Variants in PTPRK observed in about 807,000 individuals in gnomAD.
PTPRK encodes the protein receptor-type tyrosine-protein phosphatase kappa.
A neutral mutation model predicts 178.0 loss-of-function variants in PTPRK; 75 were observed. The ratio of observed to expected loss-of-function variants is 0.42; its 90% CI spans 0.35 to 0.51. The LOEUF (loss-of-function observed/expected upper bound fraction) is 0.51, where lower values mean the gene tolerates loss of function less well. Among genes scored for constraint, PTPRK ranks in the 20% least tolerant of loss-of-function variants. The probability of loss-of-function intolerance (pLI) is 0.02; values close to 1 mark genes in which losing one functional copy is unlikely to be tolerated. For synonymous variants in PTPRK, 637 were observed against 620.6 expected (o/e 1.03, Z -0.39); for missense variants, 1,441 against 1,797.8 (o/e 0.80, Z 3.59).
intron 29 of PTPRK, among the ~76,000 whole-genome samples, chr6:127,972,426 G>A (rs1774035718): frequency 6.6e-6 from 1 of 152,014 alleles, no homozygotes; most frequent in African/African-American, 2.4e-5. Context: ...GCTTCACCTA[G>A]ATGAACTGTC....
chr6:128,009,594 A>T (rs1247930189), intron 13 of PTPRK, among the ~76,000 whole-genome samples: 1 of 151,248 alleles, frequency 6.6e-6, no homozygotes, highest in Non-Finnish European at 1.5e-5. Flanking sequence ...CATTGGAAAG[A>T]GATGGGGTCA....
chr6:128,488,103 C>G (rs1853228287), intron 1 of PTPRK, among the ~76,000 whole-genome samples: 2 of 152,304 alleles, frequency 1.3e-5, no homozygotes, highest in African/African-American at 2.4e-5. Flanking sequence ...GACAGTGCAG[C>G]CTTCAGTCTG....
rs189495516 is a variant in PTPRK, at chr6:128,396,510, G to A, written c.223+1056C>T. On this transcript the variant is annotated intron_variant, in intron 2 of 29. Transcript: ENST00000368226. ...GCTAAGCATATACGCACAGAACTTG[G>A]AATTTGCTCCAGATTAATATGCAGA... is the stretch of plus-strand genomic sequence containing the variant. 5.9e-5 allele frequency among the ~76,000 whole-genome samples: 9 copies of A among 151,928 alleles called. No individual in the cohort carries two copies. The East Asian group carries it at 1.7e-3, about 29-fold the overall frequency.
chr6:128,273,146 T>C (rs1196666116), intron 3 of PTPRK, among the ~76,000 whole-genome samples: 1 of 151,944 alleles, frequency 6.6e-6, no homozygotes, highest in African/African-American at 2.4e-5. Flanking sequence ...TAGGTAGGAA[T>C]TGAACAATGA....
intron 2 of PTPRK, among the ~76,000 whole-genome samples, chr6:128,331,894 C>A (rs1432231414): frequency 6.6e-6 from 1 of 152,094 alleles, no homozygotes; most frequent in Admixed American, 6.6e-5. Context: ...GACAAAATTT[C>A]TCTTGATCTC....
intron 3 of PTPRK, among the ~76,000 whole-genome samples, chr6:128,306,921 G>A (rs568303859): frequency 5.9e-5 from 9 of 152,118 alleles, no homozygotes; most frequent in East Asian, 3.9e-4. Context: ...GAAACATTTC[G>A]GAGGTCTGAG....
At chr6:128,126,937 C>G (rs897090993) in intron 7 of PTPRK, among the ~76,000 whole-genome samples, 17 of 151,888 alleles carry the variant, frequency 1.1e-4, no homozygotes, top group Non-Finnish European at 1.5e-5. Flanking sequence ...TGTGTCACAT[C>G]CATGTTAGCA....
chr6:128,483,374 G>A (rs1852354450), intron 1 of PTPRK, among the ~76,000 whole-genome samples: 1 of 151,836 alleles, frequency 6.6e-6, no homozygotes, highest in Admixed American at 6.6e-5. Flanking sequence ...ATTTACATCT[G>A]CTACTTTGTG....
chr6:128,028,914 TA>T (rs1774795178), intron 13 of PTPRK, among the ~76,000 whole-genome samples: 3 of 152,348 alleles, frequency 2.0e-5, no homozygotes, highest in Admixed American at 1.3e-4. Flanking sequence ...ATTCTGTTCC[TA>T]AATCTTTAGT....
intron 6 of PTPRK, among the ~76,000 whole-genome samples, chr6:128,215,553 T>A (rs530374404): frequency 7.9e-5 from 12 of 152,330 alleles, no homozygotes; most frequent in African/African-American, 2.9e-4. Flanking sequence ...GAAGCAATGC[T>A]AAAGTCATAG....
intron 7 of PTPRK, among the ~76,000 whole-genome samples, chr6:128,178,429 C>T (rs1415380575): frequency 6.6e-6 from 1 of 151,520 alleles, no homozygotes; most frequent in African/African-American, 2.4e-5. Context: ...ATGATTTTCC[C>T]CTCTAATATA....
intron 1 of PTPRK, among the ~76,000 whole-genome samples, chr6:128,466,376 C>A (rs1165873923): frequency 1.3e-5 from 2 of 152,152 alleles, no homozygotes; most frequent in African/African-American, 2.4e-5. Context: ...AAGACAATAG[C>A]ATAGGCAAGA....
chr6:128,471,604 T>TAAAAAAAAAAAAAAAAAAAAAAACCA (rs34372021), intron 1 of PTPRK, among the ~76,000 whole-genome samples: 1 of 63,600 alleles, frequency 1.6e-5, no homozygotes, highest in Non-Finnish European at 3.2e-5. Flanking sequence ...CAAAACAACC[T>TAAAAAAAAAAAAAAAAAAAAAAACCA]AAAAAAAAAA....
intron 1 of PTPRK, among the ~76,000 whole-genome samples, chr6:128,416,595 C>T (rs1842885807): frequency 6.7e-6 from 1 of 149,964 alleles, no homozygotes; most frequent in Admixed American, 6.7e-5. Flanking sequence ...TTGCAGTGAG[C>T]CGAGATCACG....
chr6:128,064,483 T>C (rs1235805027), intron 13 of PTPRK, among the ~76,000 whole-genome samples: 1 of 152,206 alleles, frequency 6.6e-6, no homozygotes, highest in African/African-American at 2.4e-5. Flanking sequence ...AAGATATTGG[T>C]TGATCAGCAG....
intron 6 of PTPRK, among the ~76,000 whole-genome samples, chr6:128,214,579 T>C (rs1194113499): frequency 6.6e-6 from 1 of 151,906 alleles, no homozygotes; most frequent in Non-Finnish European, 1.5e-5. Flanking sequence ...ATTTTGATAG[T>C]TGTGGTAGGT....
chr6:128,435,100 G>GGAAT, intron 1 of PTPRK, among the ~76,000 whole-genome samples: 1 of 78,744 alleles, frequency 1.3e-5, no homozygotes, highest in Non-Finnish European at 2.4e-5. Flanking sequence ...AAGGAAGGAA[G>GGAAT]GAAGGAAGGC....
At chr6:128,022,192 G>T (rs1183926607) in intron 13 of PTPRK, among the ~76,000 whole-genome samples, 2 of 152,148 alleles carry the variant, frequency 1.3e-5, no homozygotes, top group Non-Finnish European at 2.9e-5. Context: ...GTATAAATTA[G>T]TTCTCAGAAG....
At chr6:128,324,566 C>T (rs1432511300) in intron 2 of PTPRK, among the ~76,000 whole-genome samples, 1 of 152,086 alleles carries the variant, frequency 6.6e-6, no homozygotes, top group African/African-American at 2.4e-5. Context: ...TTCAACATTT[C>T]AAGCAAGTTA....
Sources: gnomAD v4.1 joint callset for allele counts (sites outside exome capture counted in the v4.1 genomes callset) on GRCh38, gnomAD v4.1.1 for gene constraint, MANE v1.5 for transcripts, NCBI Gene and HGNC (gene_info 2026-07-23, HGNC 2026-07-21) for gene names.